Variants in TNXB observed in about 807,000 individuals in gnomAD.
TNXB encodes tenascin XB.
A neutral mutation model predicts 340.5 loss-of-function variants in TNXB; 183 were observed. The ratio of observed to expected loss-of-function variants is 0.54; its 90% CI spans 0.48 to 0.61. TNXB has a LOEUF of 0.61. Among genes scored for constraint, TNXB ranks in the 20% least tolerant of loss-of-function variants. The pLI is 0.00. For synonymous variants in TNXB, 2,121 were observed against 2,314.5 expected, an observed-to-expected ratio of 0.92 and a Z score of 2.40; for missense variants, 4,613 against 5,446.4, an observed-to-expected ratio of 0.85 and a Z score of 4.82.
In TNXB at chr6:32,048,568, G is replaced by C; in HGVS notation, c.9840C>G (p.Leu3280=). The change falls in exon 29 of 44, where the codon CTC becomes CTG. Residue 3280 remains leucine (L), a synonymous_variant. Transcript: ENST00000644971. Reference sequence around the variant, plus strand: ...AGGGGCCCTGGGCCACCGTCCATGAGAGGCCCACTGAGTCCGAGGTCACGG... The same window carrying C: ...AGGGGCCCTGGGCCACCGTCCATGACAGGCCCACTGAGTCCGAGGTCACGG... ...VAAVTSDSVG[L]SWTVAQGPFD... is the part of the protein sequence containing the mutation. 1 of 1,557,456 alleles carries C rather than the reference G, an allele frequency of 6.4e-7. No individual in the cohort carries two copies. Among genetic ancestry groups the C allele is most frequent in the Non-Finnish European group, 8.7e-7 (1 of 1,149,728 alleles).
Position 32,075,354 on chromosome 6 carries a change from C to T in TNXB, c.4376-1402G>A, listed in dbSNP as rs551681574. Among the ~76,000 whole-genome samples the T allele has an allele frequency of 6.6e-6, 1 of 152,344 alleles. No homozygotes were observed. Among genetic ancestry groups the T allele is most frequent in the East Asian group, 1.9e-4 (1 of 5,184 alleles). On this transcript the variant is annotated intron_variant, in intron 11 of 43. Transcript: ENST00000644971. This position sits in a 1 kb window ranked among gnomAD's most constrained non-coding sequence, Gnocchi z 4.6. ...TCATTCCCTATTGCCTGCCCTCCTC[C>T]AACTCCACCACAAAACATACTGCAT... is the stretch of plus-strand genomic sequence containing the variant.
At position 32,081,896 on chromosome 6, in the gene TNXB, G is replaced by T; in HGVS notation, c.3736+140C>A. On this transcript the variant is annotated intron_variant, in intron 9 of 43. Coordinates refer to ENST00000644971, the MANE Select transcript of TNXB (RefSeq NM_001365276.2). The surrounding 1 kb of genome is among the most constrained non-coding windows in gnomAD (Gnocchi z 5.1). Reference sequence around the variant, plus strand: ...GGGCCCAGCAGTGCGGGGGAGTCTGGCTGCCCCTCAGCCCTGGAGTGGGGC... The same window carrying T: ...GGGCCCAGCAGTGCGGGGGAGTCTGTCTGCCCCTCAGCCCTGGAGTGGGGC... 1.2e-6 allele frequency: 1 copy of T among 856,116 alleles called. No individual in the cohort carries two copies. The allele number at this position is 856,116 out of a possible 1,614,324, so 53.0% of individuals were successfully genotyped here.
rs751506270 is a variant in TNXB, at chr6:32,087,217, G to A, written c.2780-1099C>T. Reference sequence around the variant, plus strand: ...TCCAACGGCAGGTGAGGCTGGACAAGGGATAGGTGTCCCGTGGCCCCAGCC... The same window carrying A: ...TCCAACGGCAGGTGAGGCTGGACAAAGGATAGGTGTCCCGTGGCCCCAGCC... On this transcript the variant is annotated intron_variant, in intron 6 of 43. Coordinates refer to ENST00000644971, the MANE Select transcript of TNXB (RefSeq NM_001365276.2). The surrounding 1 kb of genome is among the most constrained non-coding windows in gnomAD (Gnocchi z 9.0). The A allele has an allele frequency of 4.1e-6, 2 of 484,594 alleles. No homozygotes were observed. The highest frequency in any genetic ancestry group is 8.2e-6 in the Non-Finnish European group (2 of 243,966). 30.0% of individuals were successfully genotyped at this position (484,594 alleles called of 1,614,324 possible).
Position 32,053,635 on chromosome 6 carries a change from C to T in TNXB, c.8544G>A (p.Gly2848=). 1 of 1,613,412 alleles carries T rather than the reference C, an allele frequency of 6.2e-7. No individual in the cohort carries two copies. The highest frequency in any genetic ancestry group is 8.5e-7 in the Non-Finnish European group (1 of 1,179,818). The change falls in exon 25 of 44, where the codon GGG becomes GGA. Residue 2848 remains glycine, a synonymous_variant. Transcript: ENST00000644971. The part of the protein sequence containing the change: ...TPEPPNKPRL[G]ELTVTDATPD... The stretch of plus-strand genomic sequence containing the variant: ...GGGTGGCATCTGTCACGGTCAGCTC[C>T]CCGAGGCGAGGCTTGTTGGGGGGCT...
chr6:32,050,433 C>A lies in TNXB; in HGVS notation c.9116-112G>T, dbSNP rs1777212977. The A allele has an allele frequency of 6.7e-6, 9 of 1,346,934 alleles. No homozygotes were observed. The Admixed American group carries it at 1.9e-4, about 28-fold the overall frequency. 83.4% of individuals were successfully genotyped at this position (1,346,934 alleles called of 1,614,324 possible). On this transcript the variant is annotated intron_variant, in intron 26 of 43. Transcript: ENST00000644971. ...GAACAGGACGATGCTGCCCACAGCG[C>A]CTCCAGCACAGCTCTTCATCCTCTC... is the stretch of plus-strand genomic sequence containing the variant.
intron 1 of TNXB, among the ~76,000 whole-genome samples, chr6:32,101,318 C>T (rs1780709937): frequency 6.6e-6 from 1 of 151,962 alleles, no homozygotes; most frequent in Non-Finnish European, 1.5e-5. Flanking sequence ...GAGATGGAGT[C>T]TTGCTCTTTC....
chr6:32,095,543 G>A, intron 3 of TNXB, 68 bp downstream of exon 3: 2 of 1,549,046 alleles, frequency 1.3e-6, no homozygotes, highest in Admixed American at 3.5e-5. Context: ...TCAGGCTCAG[G>A]TCTTCCCCAT....
In TNXB at chr6:32,081,436, T is replaced by C; in HGVS notation, c.3974A>G (p.Tyr1325Cys). ...TVPGLDPDRK[Y>C]KMNLYGLRGR... ...ACGAAGCCCGTAGAGGTTCATCTTA[T>C]ACTTCCGGTCGGGATCCAGGCCGGG... The change falls in exon 10 of 44, where the codon TAT (tyrosine) becomes TGT (cysteine). Residue 1325 changes from tyrosine to cysteine, a missense_variant. By Grantham distance (194) the Tyr-to-Cys change is radical. Around this residue, in one of 7 missense-constraint regions of TNXB, gnomAD observed 4,327 missense variants for 4,859.4 expected, o/e 0.89. Transcript: ENST00000644971. This position sits in a 1 kb window ranked among gnomAD's most constrained non-coding sequence, Gnocchi z 5.1. The C allele has an allele frequency of 1.3e-6, 2 of 1,570,266 alleles. No homozygotes were observed. The highest frequency in any genetic ancestry group is 1.7e-6 in the Non-Finnish European group (2 of 1,157,444).
rs1445017304 is a variant in TNXB at position 32,097,447 on chromosome 6, G to T, written c.406C>A (p.Gln136Lys). 2 of 1,589,874 alleles carry T rather than the reference G, an allele frequency of 1.3e-6. No individual in the cohort carries two copies. The highest frequency in any genetic ancestry group is 3.4e-5 in the Admixed American group (2 of 59,672). Reference protein sequence around the residue: ...CPASAQAGTGQTDVRTLCSLH... With the variant: ...CPASAQAGTGKTDVRTLCSLH... ...CTGCAGAGGGTCCGCACATCTGTCT[G>T]ACCTGGAGTAGGAGGGGAGAGGCAA... Residue 136 changes from glutamine (Q) to lysine (K), a missense_variant and splice_region_variant, in exon 3 of 44, where the codon CAG becomes AAG. Around this residue, in one of 7 missense-constraint regions of TNXB, gnomAD observed 4,327 missense variants for 4,859.4 expected, o/e 0.89. Transcript: ENST00000644971. The surrounding 1 kb of genome is among the most constrained non-coding windows in gnomAD (Gnocchi z 5.9).
chr6:32,072,432 G>A lies in TNXB; in HGVS notation c.4682-134C>T, dbSNP rs1778833923. On this transcript the variant is annotated intron_variant, in intron 12 of 43. Transcript: ENST00000644971. This position sits in a 1 kb window ranked among gnomAD's most constrained non-coding sequence, Gnocchi z 4.4. ...TTACTTCCAGACCTCTAACTGAAAT[G>A]CAGCATTTCTTTCCAAAACTAATAT... 1 of 671,634 alleles carries A rather than the reference G, an allele frequency of 1.5e-6. No homozygotes were observed. The highest frequency in any genetic ancestry group is 2.3e-6 in the Non-Finnish European group (1 of 438,016). 41.6% of individuals were successfully genotyped at this position (671,634 alleles called of 1,614,324 possible).
rs138771398 is a variant in TNXB at position 32,095,683 on chromosome 6, G to A, written c.2170C>T (p.Arg724Cys). Reference protein sequence around the residue: ...CAIQTCPGDCRGRGECHDGSC... With the variant: ...CAIQTCPGDCCGRGECHDGSC... Reference sequence around the variant, plus strand: ...CCATCGTGACACTCTCCTCGGCCACGGCAGTCCCCTGGGCATGTCTGGATG... The same window carrying A: ...CCATCGTGACACTCTCCTCGGCCACAGCAGTCCCCTGGGCATGTCTGGATG... Residue 724 changes from arginine (R) to cysteine (C), a missense_variant, in exon 3 of 44, where the codon CGT becomes TGT. Physicochemically the swap from Arg to Cys is radical, Grantham distance 180. Around this residue, in one of 7 missense-constraint regions of TNXB, gnomAD observed 4,327 missense variants for 4,859.4 expected, o/e 0.89. Transcript: ENST00000644971. 2.3e-3 allele frequency: 3,686 copies of A among 1,613,978 alleles called. 9 individuals carry two copies. Among genetic ancestry groups the A allele is most frequent in the Middle Eastern group, 5.8e-3 (35 of 6,060 alleles).
chr6:32,074,045 G>C lies in TNXB; in HGVS notation c.4376-93C>G, dbSNP rs966790314. On this transcript the variant is annotated intron_variant, in intron 11 of 43. Transcript: ENST00000644971. The surrounding 1 kb of genome is among the most constrained non-coding windows in gnomAD (Gnocchi z 5.5). ...TATTTATTTTTTATTTTTTATTTTTGAGATGGAGTCTCGCTGTCACCCAGA... is the reference window on the plus strand; with the variant it reads ...TATTTATTTTTTATTTTTTATTTTTCAGATGGAGTCTCGCTGTCACCCAGA... 8.9e-6 allele frequency: 11 copies of C among 1,232,888 alleles called. No individual in the cohort carries two copies. Among genetic ancestry groups the C allele is most frequent in the Non-Finnish European group, 1.2e-5 (11 of 919,736 alleles). 76.4% of individuals were successfully genotyped at this position (1,232,888 alleles called of 1,614,324 possible). A position where few individuals can be genotyped will look rare whatever the true frequency, so the allele number is the denominator to read the frequency against.
At chr6:32,099,807 C>T in intron 1 of TNXB, among the ~76,000 whole-genome samples, 1 of 151,198 alleles carries the variant, frequency 6.6e-6, no homozygotes, top group East Asian at 1.9e-4. Flanking sequence ...CAAGGATAGA[C>T]AGATGAAACA....
At position 32,067,687 on chromosome 6, in the gene TNXB, C is replaced by G. The variant is rs1331511914; in HGVS notation, c.6518G>C (p.Gly2173Ala). Reference protein sequence around the residue: ...LYGLHEGRRVGPVSAVGVTAP... With the variant: ...LYGLHEGRRVAPVSAVGVTAP... ...CGTGACGCCCACAGCAGACACTGGGCCCACGCGCCGCCCCTCGTGGAGGCC... is the reference window on the plus strand; with the variant it reads ...CGTGACGCCCACAGCAGACACTGGGGCCACGCGCCGCCCCTCGTGGAGGCC... The change falls in exon 18 of 44, where the codon GGC becomes GCC. Residue 2173 changes from glycine (G) to alanine (A), a missense_variant. Physicochemically the swap from Gly to Ala is moderately conservative, Grantham distance 60. Coordinates refer to ENST00000644971, the MANE Select transcript of TNXB (RefSeq NM_001365276.2). The surrounding 1 kb of genome is among the most constrained non-coding windows in gnomAD (Gnocchi z 4.2). 4 of 1,613,672 alleles carry G rather than the reference C, an allele frequency of 2.5e-6. No homozygotes were observed. The highest frequency in any genetic ancestry group is 2.5e-6 in the Non-Finnish European group (3 of 1,179,750).
chr6:32,109,320 C>T lies in TNXB; in HGVS notation c.-148G>A, dbSNP rs540530028. The stretch of plus-strand genomic sequence containing the variant: ...CTGAGCCACAACCGACTGTGGATCT[C>T]GGCAGCGACAGTGAGGAGGGAGTCT... On this transcript the variant is annotated 5_prime_UTR_variant, in exon 1 of 44. Transcript: ENST00000644971. The T allele has an allele frequency of 6.6e-6, 1 of 152,378 alleles. No homozygotes were observed. Among genetic ancestry groups the T allele is most frequent in the East Asian group, 1.9e-4 (1 of 5,180 alleles). 9.4% of individuals were successfully genotyped at this position (152,378 alleles called of 1,614,324 possible).
Position 32,055,842 on chromosome 6 carries a change from A to C in TNXB, c.8467+9T>G. ...TCTAGGGCCATCTTCCTCACTCACA[A>C]ACACTCACCTGTCACACCCACGGTG... On this transcript the variant is annotated intron_variant, in intron 24 of 43. Transcript: ENST00000644971. 1.9e-6 allele frequency: 3 copies of C among 1,605,418 alleles called. No homozygotes were observed. The highest frequency in any genetic ancestry group is 2.6e-6 in the Non-Finnish European group (3 of 1,173,612).
In TNXB at chr6:32,049,627, C is replaced by T. The variant is rs763230778; in HGVS notation, c.9440-40G>A. 15 of 1,587,932 alleles carry T rather than the reference C, an allele frequency of 9.4e-6. No individual in the cohort carries two copies. The highest frequency in any genetic ancestry group is 1.2e-5 in the Non-Finnish European group (14 of 1,164,672). On this transcript the variant is annotated intron_variant, in intron 27 of 43. Coordinates refer to ENST00000644971, the MANE Select transcript of TNXB (RefSeq NM_001365276.2). This position sits in a 1 kb window ranked among gnomAD's most constrained non-coding sequence, Gnocchi z 4.5. The stretch of plus-strand genomic sequence containing the variant: ...GAGGGAGAGAGAGTGAGGGGGATGT[C>T]CTTGGGTCCTGGGGAAAAGGAGGGA...
In TNXB at chr6:32,058,254, G is replaced by T. The variant is rs766723354; in HGVS notation, c.7629C>A (p.Thr2543=). 6.2e-7 allele frequency: 1 copy of T among 1,612,426 alleles called. No homozygotes were observed. Among genetic ancestry groups the T allele is most frequent in the Non-Finnish European group, 8.5e-7 (1 of 1,179,862 alleles). Residue 2543 remains threonine, a synonymous_variant, in exon 22 of 44, where the codon ACC becomes ACA. Coordinates refer to ENST00000644971, the MANE Select transcript of TNXB (RefSeq NM_001365276.2). This position sits in a 1 kb window ranked among gnomAD's most constrained non-coding sequence, Gnocchi z 5.1. ...AGGAGTCAAAGCGGCCCTGGGGGACGGTCCAGGAAAGGCTCAGCGAGTCAG... is the reference window on the plus strand; with the variant it reads ...AGGAGTCAAAGCGGCCCTGGGGGACTGTCCAGGAAAGGCTCAGCGAGTCAG... ...SSPDSLSLSW[T]VPQGRFDSFT...
intron 21 of TNXB, among the ~76,000 whole-genome samples, chr6:32,059,190 G>A (rs1005083188): frequency 6.6e-6 from 1 of 151,570 alleles, no homozygotes; most frequent in African/African-American, 2.4e-5. Flanking sequence ...AGGCCGAGGC[G>A]GGTGGATCAC....
Sources: gnomAD v4.1 joint callset for allele counts (sites outside exome capture counted in the v4.1 genomes callset) on GRCh38, gnomAD v4.1.1 for gene constraint, gnomAD v4.1.1 regional missense constraint, Gnocchi (gnomAD v3.1) non-coding constraint, MANE v1.5 for transcripts, NCBI Gene and HGNC (gene_info 2026-07-23, HGNC 2026-07-21) for gene names.